IMMP2L: variants seen among roughly 807,000 people sequenced by gnomAD.
The protein encoded by IMMP2L is mitochondrial inner membrane protease subunit 2.
A neutral mutation model predicts 19.3 loss-of-function variants in IMMP2L; 18 were observed. That is an observed-to-expected ratio of 0.93 (90% CI 0.64 to 1.38). The LOEUF is 1.38. Ranked by LOEUF, IMMP2L falls within the 40% of genes most tolerant of loss-of-function variation. The pLI is 0.00. For synonymous variants in IMMP2L, 76 were observed against 73.0 expected (o/e 1.04, Z -0.21); for missense variants, 233 against 218.2 (o/e 1.07, Z -0.43).
intron 1 of IMMP2L, among the ~76,000 whole-genome samples, chr7:111,523,048 A>C (rs916987585): frequency 2.0e-5 from 3 of 151,736 alleles, no homozygotes; most frequent in Non-Finnish European, 4.4e-5. Flanking sequence ...TTGCACGACC[A>C]CTCATATATA....
chr7:111,249,913 A>G (rs1399239130), intron 3 of IMMP2L, among the ~76,000 whole-genome samples: 1 of 152,308 alleles, frequency 6.6e-6, no homozygotes, highest in East Asian at 1.9e-4. Context: ...CAGGGCAATC[A>G]GGCAAGAGAA....
intron 3 of IMMP2L, among the ~76,000 whole-genome samples, chr7:111,290,492 T>C (rs1437298654): frequency 3.3e-5 from 5 of 151,466 alleles, no homozygotes; most frequent in Admixed American, 6.6e-5. Flanking sequence ...TTAAGCATGA[T>C]TGACTTCTTT....
chr7:111,253,127 A>G (rs1346307919), intron 3 of IMMP2L, among the ~76,000 whole-genome samples: 1 of 152,204 alleles, frequency 6.6e-6, no homozygotes, highest in South Asian at 2.1e-4. Context: ...AAAATTTAAC[A>G]TGATAAAGGT....
chr7:111,312,065 A>C (rs1823581254), intron 3 of IMMP2L, among the ~76,000 whole-genome samples: 1 of 152,160 alleles, frequency 6.6e-6, no homozygotes, highest in Non-Finnish European at 1.5e-5. Context: ...TTTGTGGGTC[A>C]CACATGATAA....
chr7:110,705,008 GTCA>G (rs1794551808), intron 5 of IMMP2L, among the ~76,000 whole-genome samples: 2 of 152,058 alleles, frequency 1.3e-5, no homozygotes, highest in African/African-American at 2.4e-5. Flanking sequence ...TAAAAAGTTA[GTCA>G]TCATTTTTAT....
chr7:111,364,233 T>G (rs917792776), intron 3 of IMMP2L, among the ~76,000 whole-genome samples: 1 of 152,134 alleles, frequency 6.6e-6, no homozygotes, highest in African/African-American at 2.4e-5. Flanking sequence ...ATCATAAGAA[T>G]TGTAATAGCC....
chr7:111,237,510 T>A (rs570074479), intron 3 of IMMP2L, among the ~76,000 whole-genome samples: 1 of 152,124 alleles, frequency 6.6e-6, no homozygotes, highest in East Asian at 1.9e-4. Context: ...AACTATATAT[T>A]ACCTTGTTAA....
intron 3 of IMMP2L, among the ~76,000 whole-genome samples, chr7:111,030,911 T>C: frequency 1.9e-5 from 1 of 53,078 alleles, no homozygotes; most frequent in African/African-American, 6.9e-5. Context: ...TATATATATA[T>C]ATATATATAT....
rs547844024 is a variant in IMMP2L, at chr7:111,476,929, T to C, written c.239+10309A>G. On this transcript the variant is annotated intron_variant, in intron 3 of 5. Transcript: ENST00000405709. ...GGATAACCTTTATTTTAAGGTCAAC[T>C]GATTAGTAGCCTTATTTACATCTGT... Among the ~76,000 whole-genome samples the C allele has an allele frequency of 6.6e-5, 10 of 152,324 alleles. No homozygotes were observed. The South Asian group carries it at 2.1e-3, about 32-fold the overall frequency.
intron 3 of IMMP2L, among the ~76,000 whole-genome samples, chr7:111,112,137 G>A (rs986430590): frequency 1.3e-5 from 2 of 151,290 alleles, no homozygotes; most frequent in African/African-American, 2.4e-5. Context: ...TAGTAGAGAC[G>A]GAGTATTTTT....
intron 5 of IMMP2L, among the ~76,000 whole-genome samples, chr7:110,852,933 G>A (rs1806387499): frequency 6.6e-6 from 1 of 152,016 alleles, no homozygotes; most frequent in African/African-American, 2.4e-5. Context: ...CAAAAGTGGA[G>A]CAGAGCTGCT....
intron 3 of IMMP2L, among the ~76,000 whole-genome samples, chr7:110,999,492 T>C (rs957675675): frequency 2.6e-4 from 39 of 151,898 alleles, no homozygotes; most frequent in Non-Finnish European, 2.9e-4. Flanking sequence ...ACAATCATAT[T>C]TGTATTCTCT....
intron 1 of IMMP2L, among the ~76,000 whole-genome samples, chr7:111,554,660 T>C (rs1791060734): frequency 6.6e-6 from 1 of 152,064 alleles, no homozygotes; most frequent in African/African-American, 2.4e-5. Context: ...TCTTGCTCTG[T>C]CACCCAGGCT....
chr7:111,061,086 T>C (rs2160024), intron 3 of IMMP2L, among the ~76,000 whole-genome samples: 143,068 of 152,290 alleles, frequency 0.94, 67,403 homozygotes, highest in East Asian at 0.99. Context: ...CAAATGTATA[T>C]GCGTGAAGTC....
At chr7:111,336,883 G>A (rs1167749159) in intron 3 of IMMP2L, among the ~76,000 whole-genome samples, 3 of 149,772 alleles carry the variant, frequency 2.0e-5, no homozygotes, top group Non-Finnish European at 4.4e-5. Flanking sequence ...TATTTATACT[G>A]AATAAGGTAA....
chr7:110,984,139 C>T (rs888600794), intron 3 of IMMP2L, among the ~76,000 whole-genome samples: 1 of 151,928 alleles, frequency 6.6e-6, no homozygotes, highest in African/African-American at 2.4e-5. Flanking sequence ...AATGCAGACA[C>T]ATGGGTTAGT....
intron 5 of IMMP2L, among the ~76,000 whole-genome samples, chr7:110,819,995 T>C (rs973249877): frequency 1.3e-5 from 2 of 152,104 alleles, no homozygotes; most frequent in Non-Finnish European, 2.9e-5. Flanking sequence ...ATCTAGAGTA[T>C]GACAATCTAG....
chr7:111,355,747 T>C (rs1389397629), intron 3 of IMMP2L, among the ~76,000 whole-genome samples: 1 of 151,836 alleles, frequency 6.6e-6, no homozygotes, highest in East Asian at 1.9e-4. Context: ...TCCAAACATA[T>C]TTGAAGCTAT....
intron 3 of IMMP2L, among the ~76,000 whole-genome samples, chr7:111,147,216 C>T (rs1417502351): frequency 6.6e-6 from 1 of 151,988 alleles, no homozygotes; most frequent in Non-Finnish European, 1.5e-5. Context: ...GTTGTTGCTG[C>T]CGTTGTTGTT....
Sources: allele counts gnomAD v4.1 joint callset (sites outside exome capture counted in the v4.1 genomes callset), GRCh38; gene constraint gnomAD v4.1.1; transcripts MANE v1.5; gene names NCBI Gene and HGNC (gene_info 2026-07-23, HGNC 2026-07-21).